ITGA4: variants seen among roughly 807,000 people sequenced by gnomAD.
ITGA4 encodes integrin subunit alpha 4.
In ITGA4, 63 loss-of-function variants were observed where a neutral mutation model predicts 133.6. The observed-to-expected ratio is 0.47, with a 90% CI of 0.38 to 0.58. ITGA4 has a LOEUF of 0.58. Among genes scored for constraint, ITGA4 ranks in the 20% least tolerant of loss-of-function variants. The pLI, the probability that ITGA4 is intolerant of heterozygous loss-of-function variation, is 0.00. For synonymous variants in ITGA4, 483 were observed against 438.0 expected, an observed-to-expected ratio of 1.10 and a Z score of -1.28; for missense variants, 1,076 against 1,252.7, an observed-to-expected ratio of 0.86 and a Z score of 2.13.
chr2:181,457,623 G>T lies in ITGA4; in HGVS notation c.-32G>T. 6.3e-7 allele frequency: 1 copy of T among 1,592,488 alleles called. No homozygotes were observed. The highest frequency in any genetic ancestry group is 1.3e-5 in the African/African-American group (1 of 74,278). On this transcript the variant is annotated 5_prime_UTR_variant, in exon 1 of 28. Coordinates refer to ENST00000397033, the MANE Select transcript of ITGA4 (RefSeq NM_000885.6). ...CCCGTGCAACTTTGGGGTAGTGGCC[G>T]TTTAGTGTTGAATGTTCCCCACCGA...
intron 2 of ITGA4, among the ~76,000 whole-genome samples, chr2:181,467,530 CTTCT>C (rs953584012): frequency 1.3e-5 from 2 of 152,152 alleles, no homozygotes; most frequent in African/African-American, 2.4e-5. Flanking sequence ...TTCCCTGGTC[CTTCT>C]TTCTTTAGTG....
At chr2:181,532,969 C>T (rs984490251) in intron 25 of ITGA4, among the ~76,000 whole-genome samples, 1 of 151,912 alleles carries the variant, frequency 6.6e-6, no homozygotes, top group Non-Finnish European at 1.5e-5. Context: ...TTTATTGAAG[C>T]CCTTTTATTT....
intron 2 of ITGA4, among the ~76,000 whole-genome samples, chr2:181,470,153 A>G (rs184274021): frequency 6.6e-6 from 1 of 152,312 alleles, no homozygotes. Flanking sequence ...GTATAACTAT[A>G]ATGGAAAATA....
At chr2:181,535,178 C>T (rs1041105081) in intron 27 of ITGA4, among the ~76,000 whole-genome samples, 2 of 152,104 alleles carry the variant, frequency 1.3e-5, no homozygotes, top group Non-Finnish European at 2.9e-5. Context: ...TTGCAAATTA[C>T]ACGGAATGTC....
At chr2:181,524,075 A>G in intron 19 of ITGA4, 96 bp from the exon 20 acceptor site, 1 of 747,890 alleles carries the variant, frequency 1.3e-6, no homozygotes, top group Non-Finnish European at 2.2e-6. Flanking sequence ...TCAATTCTAC[A>G]TTCCATAGAA....
chr2:181,473,695 T>C (rs1412100158), intron 2 of ITGA4, among the ~76,000 whole-genome samples: 1 of 152,240 alleles, frequency 6.6e-6, no homozygotes, highest in Non-Finnish European at 1.5e-5. Context: ...TTACCAGGCA[T>C]AGTGGCTTAT....
chr2:181,526,821 CT>C (rs538208494), intron 21 of ITGA4, among the ~76,000 whole-genome samples: 34 of 40,974 alleles, frequency 8.3e-4, no homozygotes, highest in East Asian at 1.8e-3. Flanking sequence ...AGCACATGGC[CT>C]TTTTTTTTTT....
Position 181,485,940 on chromosome 2 carries a change from A to G in ITGA4, c.1101A>G (p.Arg367=), listed in dbSNP as rs1327451327. 1.2e-6 allele frequency: 2 copies of G among 1,605,476 alleles called. No individual in the cohort carries two copies. The highest frequency in any genetic ancestry group is 1.7e-6 in the Non-Finnish European group (2 of 1,178,048). Residue 367 remains arginine (R), a synonymous_variant, in exon 10 of 28, where the codon AGA becomes AGG. Coordinates refer to ENST00000397033, the MANE Select transcript of ITGA4 (RefSeq NM_000885.6). ...TTGGAAGTGACAAATATGCTGCAAG[A>G]TTTGGGGAATCTATAGTTAATCTTG... is the stretch of plus-strand genomic sequence containing the variant. The part of the protein sequence containing the change: ...NLVGSDKYAA[R]FGESIVNLGD...
rs1174775741 is a variant in ITGA4 at position 181,525,075 on chromosome 2, A to G, written c.2250-127A>G. 1.7e-5 allele frequency: 8 copies of G among 459,666 alleles called. No individual in the cohort carries two copies. The East Asian group carries it at 2.6e-4, about 15-fold the overall frequency. The allele number at this position is 459,666 out of a possible 1,614,324, so 28.5% of individuals were successfully genotyped here. ...AATTTTTACTACCATATCTACTTTT[A>G]TCCCCACTCCTCAAAAAGCATTTAA... On this transcript the variant is annotated intron_variant, in intron 20 of 27. Transcript: ENST00000397033.
chr2:181,529,643 G>A lies in ITGA4; in HGVS notation c.2533G>A (p.Val845Ile), dbSNP rs751904868. 4 of 1,533,788 alleles carry A rather than the reference G, an allele frequency of 2.6e-6. No individual in the cohort carries two copies. ...TGATAAGCTGTTCAACATTTTGGAT[G>A]TCCAGGTAAAAATGTATTTCTTCCA... is the stretch of plus-strand genomic sequence containing the variant. ...QTDKLFNILD[V>I]QTTTGECHFE... Residue 845 changes from valine (V) to isoleucine (I), a missense_variant, in exon 23 of 28, where the codon GTC becomes ATC. Transcript: ENST00000397033.
At chr2:181,470,979 A>G (rs756046057) in intron 2 of ITGA4, among the ~76,000 whole-genome samples, 10 of 151,274 alleles carry the variant, frequency 6.6e-5, no homozygotes, top group Non-Finnish European at 1.5e-4. Flanking sequence ...TGTAACCAGT[A>G]CTTGAAAGTT....
At chr2:181,464,465 G>C (rs1685365313) in intron 2 of ITGA4, among the ~76,000 whole-genome samples, 2 of 152,224 alleles carry the variant, frequency 1.3e-5, no homozygotes, top group Admixed American at 6.5e-5. Context: ...ACTCAGTTGA[G>C]ATGATGGGAG....
chr2:181,459,286 A>G (rs554722111), intron 2 of ITGA4: 3 of 145,782 alleles, frequency 2.1e-5, no homozygotes, highest in Admixed American at 6.9e-5. Context: ...TCTTCCATGT[A>G]TGTATCTTCA....
intron 15 of ITGA4, among the ~76,000 whole-genome samples, chr2:181,509,172 A>T (rs1274507925): frequency 4.8e-5 from 6 of 125,820 alleles, no homozygotes; most frequent in African/African-American, 1.8e-4. Context: ...AAAAAAAAAA[A>T]AAAAAAAAAA....
intron 15 of ITGA4, among the ~76,000 whole-genome samples, chr2:181,506,221 T>C (rs1278150657): frequency 6.6e-6 from 1 of 152,122 alleles, no homozygotes; most frequent in Admixed American, 6.6e-5. Flanking sequence ...TTCTTATTCC[T>C]TCCAAATGTT....
chr2:181,464,825 G>C (rs1299797373), intron 2 of ITGA4, among the ~76,000 whole-genome samples: 3 of 151,986 alleles, frequency 2.0e-5, no homozygotes, highest in Non-Finnish European at 4.4e-5. Flanking sequence ...TTTAAAAGCA[G>C]GGATTTTTAA....
chr2:181,486,239 T>C, intron 10 of ITGA4: 1 of 382,716 alleles, frequency 2.6e-6, no homozygotes. Context: ...GCACCATTGA[T>C]TAGAAACTGC....
intron 25 of ITGA4, among the ~76,000 whole-genome samples, chr2:181,532,122 C>G (rs1288446021): frequency 6.6e-6 from 1 of 152,116 alleles, no homozygotes; most frequent in African/African-American, 2.4e-5. Flanking sequence ...TCTGAGGTCT[C>G]TGTTCTGTTC....
intron 2 of ITGA4, among the ~76,000 whole-genome samples, chr2:181,462,184 C>T (rs1330624978): frequency 6.6e-6 from 1 of 152,082 alleles, no homozygotes; most frequent in Non-Finnish European, 1.5e-5. Context: ...GATATTTATG[C>T]ATAAATGAGT....
Sources: allele counts gnomAD v4.1 joint callset (sites outside exome capture counted in the v4.1 genomes callset), GRCh38; gene constraint gnomAD v4.1.1; transcripts MANE v1.5; gene names NCBI Gene and HGNC (gene_info 2026-07-23, HGNC 2026-07-21).